Variants in CAPS2 observed in about 807,000 individuals in gnomAD.
CAPS2 encodes the protein calcyphosine 2.
In CAPS2, 98 loss-of-function variants were observed where a neutral mutation model predicts 86.5. The observed-to-expected ratio is 1.13, with a 90% confidence interval of 0.96 to 1.34. The LOEUF (loss-of-function observed/expected upper bound fraction) is 1.34, where lower values mean the gene tolerates loss of function less well. Ranked by LOEUF, CAPS2 falls within the 40% of genes most tolerant of loss-of-function variation. CAPS2 has a pLI of 0.00. For synonymous variants in CAPS2, 210 were observed against 225.1 expected (o/e 0.93, Z 0.60); for missense variants, 729 against 686.8 (o/e 1.06, Z -0.69).
Position 75,349,957 on chromosome 12 carries a change from C to T in CAPS2, c.-394-26735G>A, listed in dbSNP as rs551213062. Reference sequence around the variant, plus strand: ...TTACATTGGACTCCCTGCTGGCCAGCGGGGCAGGCTGGAGACTGCCTAAGA... The same window carrying T: ...TTACATTGGACTCCCTGCTGGCCAGTGGGGCAGGCTGGAGACTGCCTAAGA... On this transcript the variant is annotated intron_variant, in intron 1 of 5. Transcript: ENST00000551829. Among the ~76,000 whole-genome samples, 12 of 152,334 alleles carry T rather than the reference C, an allele frequency of 7.9e-5. No homozygotes were observed. The South Asian group carries it at 1.2e-3, about 16-fold the overall frequency.
intron 1 of CAPS2, chr12:75,371,591 G>C: frequency 5.4e-6 from 1 of 186,088 alleles, no homozygotes; most frequent in Non-Finnish European, 1.2e-5. Flanking sequence ...CAATAATAAG[G>C]TTATAATTAT....
intron 16 of CAPS2, among the ~76,000 whole-genome samples, chr12:75,281,916 T>G (rs559999432): frequency 6.6e-6 from 1 of 152,124 alleles, no homozygotes; most frequent in Non-Finnish European, 1.5e-5. Flanking sequence ...GATAACTATA[T>G]AAGCAGATAC....
chr12:75,299,381 T>C (rs190046583), intron 9 of CAPS2, among the ~76,000 whole-genome samples: 216 of 152,246 alleles, frequency 1.4e-3, no homozygotes, highest in African/African-American at 5.1e-3. Flanking sequence ...ATCAGTAATA[T>C]ACAAAGAACA....
At chr12:75,366,936 C>G (rs1359299177) in intron 1 of CAPS2, 2 of 701,758 alleles carry the variant, frequency 2.8e-6, no homozygotes, top group Non-Finnish European at 5.2e-6. Flanking sequence ...CCAGACATTC[C>G]CACTCAGTCC....
chr12:75,334,552 C>G, upstream of CAPS2: 1 of 1,409,258 alleles, frequency 7.1e-7, no homozygotes, highest in Non-Finnish European at 9.2e-7. Flanking sequence ...GGGAACCCTG[C>G]TGCCTGTTCT....
intron 5 of CAPS2, among the ~76,000 whole-genome samples, chr12:75,318,864 T>C (rs2040034376): frequency 6.6e-6 from 1 of 152,126 alleles, no homozygotes; most frequent in African/African-American, 2.4e-5. Context: ...CCCCAGTGCC[T>C]GGACAGGGGT....
At chr12:75,305,926 C>G in intron 7 of CAPS2, 2 of 1,002,704 alleles carry the variant, frequency 2.0e-6, no homozygotes, top group Admixed American at 3.7e-5. Flanking sequence ...GAAGTCTGCG[C>G]TGGTGAAAGC....
chr12:75,301,860 A>G lies in CAPS2; in HGVS notation c.780-1949T>C, dbSNP rs142188688. Among the ~76,000 whole-genome samples, 32 of 152,352 alleles carry G rather than the reference A, an allele frequency of 2.1e-4. No homozygotes were observed. In the East Asian group the frequency reaches 2.1e-3, roughly 10 times the overall value. On this transcript the variant is annotated intron_variant, in intron 8 of 16. Transcript: ENST00000393284. The stretch of plus-strand genomic sequence containing the variant: ...TGCCATGTTGGGTTTTAGATGCCCA[A>G]TTGCTTTTAGGAACCCAAGTTCTCT...
chr12:75,361,383 G>A (rs2043579439), intron 1 of CAPS2, among the ~76,000 whole-genome samples: 1 of 152,178 alleles, frequency 6.6e-6, no homozygotes, highest in African/African-American at 2.4e-5. Flanking sequence ...TTAACTTGTA[G>A]CTTGGCTTTC....
At chr12:75,325,470 A>G (rs1381996147) in intron 1 of CAPS2, 182 bp from the exon 3 acceptor site, 1 of 184,906 alleles carries the variant, frequency 5.4e-6, no homozygotes, top group East Asian at 1.9e-4. Flanking sequence ...AAAGGCAAGT[A>G]AGACAGATAA....
intron 1 of CAPS2, among the ~76,000 whole-genome samples, chr12:75,352,757 C>T (rs2042896994): frequency 6.6e-6 from 1 of 152,198 alleles, no homozygotes; most frequent in South Asian, 2.1e-4. Context: ...GGAAGTAAAT[C>T]ACTCCTCAGC....
chr12:75,278,909 C>G (rs759306425), exon 17 of CAPS2: 8 of 1,586,604 alleles, frequency 5.0e-6, no homozygotes, highest in African/African-American at 2.7e-5. Context: ...CCATGGAGTA[C>G]GTAAGATGTT....
intron 7 of CAPS2, among the ~76,000 whole-genome samples, chr12:75,311,067 A>G (rs2138783262): frequency 6.6e-6 from 1 of 152,340 alleles, no homozygotes; most frequent in East Asian, 1.9e-4. Flanking sequence ...GGTGACACAT[A>G]ATTAATACGT....
chr12:75,277,780 T>C (rs1314375714), exon 17 of CAPS2: 1 of 798,468 alleles, frequency 1.3e-6, no homozygotes, highest in Admixed American at 6.3e-5. Context: ...TTATGTTATA[T>C]TAACATAGAA....
chr12:75,337,324 ATAT>A (rs2041804497), intron 1 of CAPS2, among the ~76,000 whole-genome samples: 2 of 151,862 alleles, frequency 1.3e-5, no homozygotes, highest in Non-Finnish European at 3.0e-5. Flanking sequence ...TTAAAACTAT[ATAT>A]TAATAAAATT....
intron 1 of CAPS2, among the ~76,000 whole-genome samples, chr12:75,343,517 T>C (rs7297994): frequency 0.32 from 48,704 of 151,910 alleles, 8,570 homozygotes; most frequent in East Asian, 0.45. Flanking sequence ...TATAAATAAG[T>C]ATTTCTGAAG....
At position 75,342,942 on chromosome 12, in the gene CAPS2, GAATA is replaced by G. The variant is rs200691726; in HGVS notation, c.-394-19724_-394-19721del. 7.4e-3 allele frequency among the ~76,000 whole-genome samples: 1,076 copies of G among 146,074 alleles called. 9 individuals carry two copies. The highest frequency in any genetic ancestry group is 0.011 in the Non-Finnish European group (696 of 66,268). Reference sequence around the variant, plus strand: ...AATGTTTTGCAGCTATTCATTTGTAGAATATATAGATATATAATAGATTTTGCAT... The same window carrying G: ...AATGTTTTGCAGCTATTCATTTGTAGTATAGATATATAATAGATTTTGCAT... On this transcript the variant is annotated intron_variant, in intron 1 of 5. Transcript: ENST00000551829.
intron 7 of CAPS2, among the ~76,000 whole-genome samples, chr12:75,306,508 T>C (rs1240873043): frequency 6.6e-6 from 1 of 152,212 alleles, no homozygotes; most frequent in African/African-American, 2.4e-5. Context: ...TAATGCAATG[T>C]TGTCATTTGG....
intron 1 of CAPS2, among the ~76,000 whole-genome samples, chr12:75,359,355 G>GTTTTTTTTT (rs1463566931): frequency 1.5e-4 from 7 of 46,432 alleles, no homozygotes; most frequent in Non-Finnish European, 2.5e-4. Context: ...CAGCATTGTT[G>GTTTTTTTTT]TCTTTTTTTT....
Sources: gnomAD v4.1 joint callset for allele counts (sites outside exome capture counted in the v4.1 genomes callset) on GRCh38, gnomAD v4.1.1 for gene constraint, MANE v1.5 for transcripts, NCBI Gene and HGNC (gene_info 2026-07-23, HGNC 2026-07-21) for gene names.